AAK1: variants seen among roughly 807,000 people sequenced by gnomAD.
AAK1 encodes the protein AP2-associated protein kinase 1.
In AAK1, 37 loss-of-function variants were observed where a neutral mutation model predicts 116.0. The ratio of observed to expected loss-of-function variants is 0.32; its 90% confidence interval spans 0.25 to 0.42. AAK1 has a LOEUF of 0.42. Among genes scored for constraint, AAK1 ranks in the 10% least tolerant of loss-of-function variants. The pLI, the probability that AAK1 is intolerant of heterozygous loss-of-function variation, is 1.00. For missense variants in AAK1, 919 were observed against 1,170.6 expected, an observed-to-expected ratio of 0.79 and a Z score of 3.14; for synonymous variants, 458 against 439.9, an observed-to-expected ratio of 1.04 and a Z score of -0.51.
At chr2:69,571,351 T>C (rs1484922626) in intron 2 of AAK1, among the ~76,000 whole-genome samples, 2 of 152,190 alleles carry the variant, frequency 1.3e-5, no homozygotes, top group Non-Finnish European at 2.9e-5. Flanking sequence ...CTGTCAGCCA[T>C]GTGTGTTCCA....
chr2:69,519,868 A>G (rs543459020), intron 11 of AAK1, among the ~76,000 whole-genome samples: 1 of 149,558 alleles, frequency 6.7e-6, no homozygotes, highest in East Asian at 1.9e-4. Context: ...TCTTGTTTCT[A>G]TTTTTTTTTT....
intron 14 of AAK1, 128 bp from the exon 15 acceptor site, chr2:69,507,706 TA>T: frequency 6.5e-6 from 6 of 926,664 alleles, no homozygotes; most frequent in Admixed American, 3.1e-5. Flanking sequence ...TCCACCACAG[TA>T]TTTTTTTTTT....
intron 19 of AAK1, among the ~76,000 whole-genome samples, chr2:69,480,629 C>G (rs55675744): frequency 0.012 from 1,803 of 152,074 alleles, 20 homozygotes; most frequent in Non-Finnish European, 0.02. Context: ...CAGAGAAAGC[C>G]CAGAGATCAC....
rs1312073761 is a variant in AAK1 at position 69,542,057 on chromosome 2, C to T, written c.534+466G>A. Among the ~76,000 whole-genome samples the T allele has an allele frequency of 3.3e-5, 5 of 152,182 alleles. 1 individual carries two copies. The highest frequency in any genetic ancestry group is 3.3e-4 in the Admixed American group (5 of 15,278). On this transcript the variant is annotated intron_variant, in intron 5 of 21. Coordinates refer to ENST00000409085, the MANE Select transcript of AAK1 (RefSeq NM_014911.5). The stretch of plus-strand genomic sequence containing the variant: ...CAATACATGCTAAGTTGAACCCTAA[C>T]AAGGTGCCAATTCCATTCAACAAAC...
chr2:69,572,752 A>C (rs537581330), intron 2 of AAK1, among the ~76,000 whole-genome samples: 5 of 151,990 alleles, frequency 3.3e-5, no homozygotes, highest in South Asian at 2.1e-4. Context: ...TGCTGTATGC[A>C]CAAGAGAGAA....
chr2:69,479,168 A>AAATG, intron 19 of AAK1, 107 bp from the exon 20 acceptor site: 1 of 795,142 alleles, frequency 1.3e-6, no homozygotes. Context: ...TTTACACGTT[A>AAATG]CACATAAAAG....
Position 69,474,098 on chromosome 2 carries a change from T to C in AAK1, c.*1771A>G. 1.0e-6 allele frequency: 1 copy of C among 985,912 alleles called. No individual in the cohort carries two copies. The highest frequency in any genetic ancestry group is 1.2e-6 in the Non-Finnish European group (1 of 829,942). The allele number at this position is 985,912 out of a possible 1,614,324, so 61.1% of individuals were successfully genotyped here. A position where few individuals can be genotyped will look rare whatever the true frequency, so the allele number is the denominator to read the frequency against. On this transcript the variant is annotated 3_prime_UTR_variant, in exon 22 of 22. Coordinates refer to ENST00000409085, the MANE Select transcript of AAK1 (RefSeq NM_014911.5). ...TGGAAGATTCAGACTTTTCCTCCAA[T>C]GCCTTTCAAAGGCTACTCGCACATT...
At chr2:69,494,805 G>C (rs1675674314) in intron 17 of AAK1, among the ~76,000 whole-genome samples, 3 of 152,164 alleles carry the variant, frequency 2.0e-5, no homozygotes. Flanking sequence ...TCCAGGTCCA[G>C]TAAGCTATAA....
chr2:69,467,962 T>C lies in AAK1; in HGVS notation c.*7907A>G. The C allele has an allele frequency of 2.0e-6, 2 of 985,454 alleles. No homozygotes were observed. The highest frequency in any genetic ancestry group is 2.4e-6 in the Non-Finnish European group (2 of 829,926). 61.0% of individuals were successfully genotyped at this position (985,454 alleles called of 1,614,324 possible). ...TAAACAGTTCTGACCTTAAATATTG[T>C]TTTCAGAAACAGAACAAAAATGTGT... On this transcript the variant is annotated 3_prime_UTR_variant, in exon 22 of 22. Transcript: ENST00000409085.
chr2:69,521,182 T>C (rs1277211075), intron 10 of AAK1, among the ~76,000 whole-genome samples, 194 bp from the exon 11 acceptor site: 1 of 152,232 alleles, frequency 6.6e-6, no homozygotes, highest in African/African-American at 2.4e-5. Flanking sequence ...GGCAAATACA[T>C]TTTTAACACA....
At position 69,578,821 on chromosome 2, in the gene AAK1, T is replaced by C. The variant is rs913946373; in HGVS notation, c.164-21843A>G. Among the ~76,000 whole-genome samples the C allele has an allele frequency of 3.2e-4, 49 of 150,974 alleles. No homozygotes were observed. The East Asian group carries it at 8.2e-3, about 25-fold the overall frequency. On this transcript the variant is annotated intron_variant, in intron 2 of 21. Coordinates refer to ENST00000409085, the MANE Select transcript of AAK1 (RefSeq NM_014911.5). ...CTTCACCTCTTTTTTTTTTTTTTTT[T>C]CAGACGGAGTCTCGCTCTGTCGCCC...
intron 16 of AAK1, among the ~76,000 whole-genome samples, chr2:69,500,842 G>GTAA (rs1433128653): frequency 1.3e-5 from 2 of 151,524 alleles, no homozygotes; most frequent in African/African-American, 4.9e-5. Flanking sequence ...ATAACCATGT[G>GTAA]TAATAGATGA....
intron 6 of AAK1, 65 bp downstream of exon 6, chr2:69,531,976 T>C: frequency 1.9e-6 from 3 of 1,595,052 alleles, no homozygotes; most frequent in Non-Finnish European, 2.6e-6. Context: ...TTCTCATCCA[T>C]AAGCTGAAGG....
intron 3 of AAK1, among the ~76,000 whole-genome samples, chr2:69,555,165 A>G (rs748905993): frequency 1.3e-5 from 2 of 152,230 alleles, no homozygotes; most frequent in Non-Finnish European, 2.9e-5. Flanking sequence ...AATAATGAGA[A>G]GCAGCCAGAA....
intron 2 of AAK1, among the ~76,000 whole-genome samples, chr2:69,581,110 T>A (rs1439358797): frequency 6.6e-6 from 1 of 152,208 alleles, no homozygotes; most frequent in Non-Finnish European, 1.5e-5. Flanking sequence ...TTTTGTTTTT[T>A]AATTTTATTT....
chr2:69,585,153 A>T (rs534608072), intron 2 of AAK1, among the ~76,000 whole-genome samples: 1 of 152,382 alleles, frequency 6.6e-6, no homozygotes, highest in Admixed American at 6.5e-5. Context: ...ATCGAGGATT[A>T]TAAGAAGAGA....
Position 69,607,830 on chromosome 2 carries a change from T to C in AAK1, c.163+35048A>G, listed in dbSNP as rs1673876629. Among the ~76,000 whole-genome samples the C allele has an allele frequency of 1.3e-5, 2 of 152,176 alleles. 1 individual carries two copies. Among genetic ancestry groups the C allele is most frequent in the South Asian group, 4.1e-4 (2 of 4,828 alleles). ...TCAGCTTGCTGTGAACAGACATATG[T>C]GCTACAGCAGGGAAGGGGAAGAGCC... On this transcript the variant is annotated intron_variant, in intron 2 of 21. Coordinates refer to ENST00000409085, the MANE Select transcript of AAK1 (RefSeq NM_014911.5).
In AAK1 at chr2:69,465,424, C is replaced by T. The variant is rs1674454329; in HGVS notation, c.*10445G>A. On this transcript the variant is annotated 3_prime_UTR_variant, in exon 22 of 22. Transcript: ENST00000409085. ...AGAGGCTTGAGGCTCAGGTTTTGCTCCTAGGGTTTCTTGCCTGATTTTGAA... is the reference window on the plus strand; with the variant it reads ...AGAGGCTTGAGGCTCAGGTTTTGCTTCTAGGGTTTCTTGCCTGATTTTGAA... 1.6e-6 allele frequency: 2 copies of T among 1,283,910 alleles called. No homozygotes were observed. The highest frequency in any genetic ancestry group is 1.0e-6 in the Non-Finnish European group (1 of 984,440). 79.5% of individuals were successfully genotyped at this position (1,283,910 alleles called of 1,614,324 possible). A position where few individuals can be genotyped will look rare whatever the true frequency, so the allele number is the denominator to read the frequency against.
intron 2 of AAK1, among the ~76,000 whole-genome samples, chr2:69,616,806 T>C (rs1460343050): frequency 6.6e-6 from 1 of 152,216 alleles, no homozygotes; most frequent in Non-Finnish European, 1.5e-5. Context: ...CTATCCCTTG[T>C]ATACCTACCA....
Sources: gnomAD v4.1 joint callset for allele counts (sites outside exome capture counted in the v4.1 genomes callset) on GRCh38, gnomAD v4.1.1 for gene constraint, MANE v1.5 for transcripts, NCBI Gene and HGNC (gene_info 2026-07-23, HGNC 2026-07-21) for gene names.